The following ADAMTS6 variants were observed in gnomAD, a reference collection of about 807,000 sequenced individuals.
The protein encoded by ADAMTS6 is ADAM metallopeptidase with thrombospondin type 1 motif 6, also known as A disintegrin and metalloproteinase with thrombospondin motifs 6.
ADAMTS6 carries 23 observed loss-of-function variants against 144.3 expected under a neutral mutation model. The ratio of observed to expected loss-of-function variants is 0.16; its 90% confidence interval spans 0.11 to 0.23. ADAMTS6 has a LOEUF of 0.23. Among genes scored for constraint, ADAMTS6 ranks in the 10% least tolerant of loss-of-function variants. The pLI is 1.00. For synonymous variants in ADAMTS6, 444 were observed against 457.5 expected (o/e 0.97, Z 0.38); for missense variants, 999 against 1,379.6 (o/e 0.72, Z 4.37).
intron 11 of ADAMTS6, among the ~76,000 whole-genome samples, chr5:65,286,327 G>T (rs1195630627): frequency 6.6e-6 from 1 of 151,998 alleles, no homozygotes; most frequent in Non-Finnish European, 1.5e-5. Context: ...AAAATATTCT[G>T]ATAAAAATAT....
chr5:65,183,539 G>T (rs1009130138), intron 22 of ADAMTS6, among the ~76,000 whole-genome samples: 3 of 151,988 alleles, frequency 2.0e-5, no homozygotes, highest in African/African-American at 7.2e-5. Context: ...GCAGTTTCAG[G>T]TATCGACTGG....
intron 15 of ADAMTS6, among the ~76,000 whole-genome samples, chr5:65,227,289 T>G (rs1757796251): frequency 6.6e-6 from 1 of 152,178 alleles, no homozygotes; most frequent in Admixed American, 6.5e-5. Context: ...AGGCTGAAGT[T>G]AAAAATAGGC....
intron 9 of ADAMTS6, among the ~76,000 whole-genome samples, chr5:65,316,420 T>C (rs918467927): frequency 4.6e-5 from 7 of 151,732 alleles, no homozygotes; most frequent in African/African-American, 1.7e-4. Context: ...AAAAAGAAAA[T>C]GGAACCAAAA....
intron 17 of ADAMTS6, among the ~76,000 whole-genome samples, 172 bp from the exon 18 acceptor site, chr5:65,224,572 A>G (rs1757581939): frequency 6.6e-6 from 1 of 152,240 alleles, no homozygotes; most frequent in African/African-American, 2.4e-5. Context: ...CATTTTAGAG[A>G]AACAGTATTT....
At chr5:65,275,091 G>A (rs901499102) in intron 11 of ADAMTS6, among the ~76,000 whole-genome samples, 2 of 151,646 alleles carry the variant, frequency 1.3e-5, no homozygotes, top group East Asian at 1.9e-4. Context: ...CGCAGTGGCT[G>A]ATGCCTGTAA....
chr5:65,326,572 A>C (rs2150052576), intron 9 of ADAMTS6, among the ~76,000 whole-genome samples: 1 of 152,334 alleles, frequency 6.6e-6, no homozygotes. Context: ...GGGAGAAAAT[A>C]TTCACACAGT....
chr5:65,301,707 T>C (rs1015957336), intron 9 of ADAMTS6, among the ~76,000 whole-genome samples: 1 of 136,948 alleles, frequency 7.3e-6, no homozygotes, highest in African/African-American at 2.6e-5. Flanking sequence ...GATAAACAGG[T>C]AGAATTAGAT....
intron 23 of ADAMTS6, among the ~76,000 whole-genome samples, chr5:65,171,504 T>C (rs779450850): frequency 5.3e-5 from 8 of 152,162 alleles, no homozygotes; most frequent in Non-Finnish European, 1.2e-4. Context: ...GCTGGTGAAC[T>C]CTAGCAGGAG....
At chr5:65,196,522 CAAAAAAAAAAAAAAA>C (rs533444182) in intron 21 of ADAMTS6, among the ~76,000 whole-genome samples, 9 of 38,034 alleles carry the variant, frequency 2.4e-4, no homozygotes, top group South Asian at 1.6e-3. Context: ...GACTCCGTCT[CAAAAAAAAAAAAAAA>C]AAAAAAAAAA....
intron 7 of ADAMTS6, among the ~76,000 whole-genome samples, chr5:65,349,619 C>T (rs907653650): frequency 6.6e-6 from 1 of 151,926 alleles, no homozygotes; most frequent in African/African-American, 2.4e-5. Context: ...CTTTGGGAGG[C>T]CGAGGTGGGT....
chr5:65,370,999 C>T (rs1371525253), intron 7 of ADAMTS6, among the ~76,000 whole-genome samples: 1 of 152,154 alleles, frequency 6.6e-6, no homozygotes, highest in Non-Finnish European at 1.5e-5. Context: ...GGGAGGCACC[C>T]CCCAGCAGGG....
chr5:65,225,355 T>G (rs905333969), intron 16 of ADAMTS6, among the ~76,000 whole-genome samples: 2 of 152,202 alleles, frequency 1.3e-5, no homozygotes, highest in African/African-American at 4.8e-5. Flanking sequence ...ATAGAAACTT[T>G]TCCAAGAAAT....
At chr5:65,478,252 G>A (rs1055894767) in intron 1 of ADAMTS6, among the ~76,000 whole-genome samples, 2 of 152,190 alleles carry the variant, frequency 1.3e-5, no homozygotes, top group African/African-American at 4.8e-5. Flanking sequence ...CACCTGGTGG[G>A]GAGGTTAATC....
intron 7 of ADAMTS6, among the ~76,000 whole-genome samples, chr5:65,351,575 A>G (rs1419286561): frequency 1.3e-5 from 2 of 152,228 alleles, no homozygotes; most frequent in Non-Finnish European, 2.9e-5. Flanking sequence ...AAGAATTTTT[A>G]TAATGACCTT....
intron 4 of ADAMTS6, among the ~76,000 whole-genome samples, chr5:65,456,037 T>C (rs1233738603): frequency 1.3e-5 from 2 of 151,154 alleles, no homozygotes; most frequent in Non-Finnish European, 3.0e-5. Context: ...TATTCAATAT[T>C]TTATACATAT....
At chr5:65,398,511 G>A (rs901354730) in intron 7 of ADAMTS6, among the ~76,000 whole-genome samples, 12 of 152,198 alleles carry the variant, frequency 7.9e-5, no homozygotes, top group Admixed American at 5.9e-4. Context: ...GATCACTTGA[G>A]GTCAGGAGTT....
At chr5:65,430,945 CTTAT>C (rs1239015985) in intron 7 of ADAMTS6, among the ~76,000 whole-genome samples, 1 of 152,042 alleles carries the variant, frequency 6.6e-6, no homozygotes, top group Non-Finnish European at 1.5e-5. Flanking sequence ...AAATTGTGTA[CTTAT>C]TTGTTTACTT....
chr5:65,417,791 C>T (rs1263114381), intron 7 of ADAMTS6, among the ~76,000 whole-genome samples: 1 of 152,094 alleles, frequency 6.6e-6, no homozygotes, highest in African/African-American at 2.4e-5. Flanking sequence ...CTTAAAATGG[C>T]CATACTGCCC....
intron 7 of ADAMTS6, among the ~76,000 whole-genome samples, chr5:65,418,294 G>C (rs965480000): frequency 3.9e-5 from 6 of 152,110 alleles, no homozygotes; most frequent in African/African-American, 1.4e-4. Context: ...CACCATTCTG[G>C]ACATTGGCCT....
Sources: gnomAD v4.1 joint callset for allele counts (sites outside exome capture counted in the v4.1 genomes callset) on GRCh38, gnomAD v4.1.1 for gene constraint, MANE v1.5 for transcripts, NCBI Gene and HGNC (gene_info 2026-07-23, HGNC 2026-07-21) for gene names.